GLI2: variants seen among roughly 807,000 people sequenced by gnomAD.
The protein encoded by GLI2 is GLI family zinc finger 2.
In GLI2, 22 loss-of-function variants were observed where a neutral mutation model predicts 78.9. The ratio of observed to expected loss-of-function variants is 0.28; its 90% confidence interval spans 0.20 to 0.40. GLI2 has a LOEUF of 0.40. GLI2 is among the 10% of genes least tolerant of loss of function. The pLI, the probability that GLI2 is intolerant of heterozygous loss-of-function variation, is 1.00. For synonymous variants in GLI2, 974 were observed against 963.7 expected, an observed-to-expected ratio of 1.01 and a Z score of -0.20; for missense variants, 2,097 against 2,213.2, an observed-to-expected ratio of 0.95 and a Z score of 1.05.
At chr2:120,854,428 G>T (rs1228186651) in intron 2 of GLI2, among the ~76,000 whole-genome samples, 1 of 152,156 alleles carries the variant, frequency 6.6e-6, no homozygotes, top group Non-Finnish European at 1.5e-5. Flanking sequence ...CATATCACCT[G>T]CCCAGTGCTG....
rs545942564 is a variant in GLI2 at position 120,781,999 on chromosome 2, G to A, written c.-30-15292G>A. On this transcript the variant is annotated intron_variant, in intron 1 of 13. Coordinates refer to ENST00000361492, the MANE Select transcript of GLI2 (RefSeq NM_001374353.1). ...GTACAGATAGTTCATTTTCCTAGTT[G>A]CAGTTATAGTGTGTATGCAATTTTG... 3.3e-5 allele frequency among the ~76,000 whole-genome samples: 5 copies of A among 151,976 alleles called. No individual in the cohort carries two copies. The South Asian group carries it at 1.0e-3, about 32-fold the overall frequency.
chr2:120,927,262 C>G (rs1239395332), intron 2 of GLI2, 99 bp from the exon 3 acceptor site: 2 of 886,472 alleles, frequency 2.3e-6, no homozygotes, highest in East Asian at 2.4e-5. Flanking sequence ...CCTGGCTGCT[C>G]TTGCTATGAA....
At chr2:120,866,246 G>A (rs1548071) in intron 2 of GLI2, 91,081 of 152,452 alleles carry the variant, frequency 0.6, 28,244 homozygotes, top group East Asian at 0.75. Flanking sequence ...GGGTAGGGAC[G>A]TGGAGTCTGA....
intron 2 of GLI2, among the ~76,000 whole-genome samples, chr2:120,908,928 G>A (rs1387131346): frequency 2.6e-5 from 4 of 152,136 alleles, no homozygotes; most frequent in South Asian, 2.1e-4. Flanking sequence ...AAGGCTTCAC[G>A]TTAGTGCCTA....
At chr2:120,951,556 T>G in intron 4 of GLI2, 111 bp downstream of exon 4, 1 of 687,800 alleles carries the variant, frequency 1.5e-6, no homozygotes, top group Non-Finnish European at 2.5e-6. Context: ...CCTTGAATGG[T>G]GACCAGGCTG....
intron 2 of GLI2, among the ~76,000 whole-genome samples, chr2:120,877,835 T>C (rs1184919525): frequency 6.6e-6 from 1 of 152,180 alleles, no homozygotes; most frequent in Non-Finnish European, 1.5e-5. Context: ...TGAACATCCT[T>C]GTACGGTCTC....
At chr2:120,798,416 C>T (rs1031772773) in intron 2 of GLI2, among the ~76,000 whole-genome samples, 1 of 152,196 alleles carries the variant, frequency 6.6e-6, no homozygotes, top group Non-Finnish European at 1.5e-5. Context: ...TCACAGGCCA[C>T]GCTGGGGCCG....
intron 2 of GLI2, among the ~76,000 whole-genome samples, chr2:120,906,746 C>A (rs189665637): frequency 2.6e-5 from 4 of 152,168 alleles, no homozygotes; most frequent in Non-Finnish European, 4.4e-5. Flanking sequence ...CCCCTGTGTC[C>A]CCTCTCATAG....
intron 2 of GLI2, among the ~76,000 whole-genome samples, chr2:120,845,430 G>A (rs1687070456): frequency 6.6e-6 from 1 of 152,232 alleles, no homozygotes. Context: ...AACTAGATCA[G>A]TCCTGGTTCA....
At position 120,986,645 on chromosome 2, in the gene GLI2, G is replaced by A. The variant is rs745711714; in HGVS notation, c.2242+31G>A. Reference sequence around the variant, plus strand: ...TAAAGGCCTGGGGTTTGCAGATGGGGCAGAAGAGAGTCTGGGGCAGCACCA... The same window carrying A: ...TAAAGGCCTGGGGTTTGCAGATGGGACAGAAGAGAGTCTGGGGCAGCACCA... On this transcript the variant is annotated intron_variant, in intron 13 of 13. Transcript: ENST00000361492. 1.1e-5 allele frequency: 18 copies of A among 1,583,494 alleles called. No individual in the cohort carries two copies. The South Asian group carries it at 1.7e-4, about 15-fold the overall frequency.
In GLI2 at chr2:120,989,720, C is replaced by T. The variant is rs771577944; in HGVS notation, c.3755C>T (p.Ser1252Phe). 1.2e-6 allele frequency: 2 copies of T among 1,613,176 alleles called. No homozygotes were observed. The highest frequency in any genetic ancestry group is 1.7e-5 in the Admixed American group (1 of 60,028). The change falls in exon 14 of 14, where the codon TCC becomes TTC. Residue 1252 changes from serine (S) to phenylalanine (F), a missense_variant. By Grantham distance (155) the Ser-to-Phe change is radical. This residue lies in a region of GLI2 where 1,290 missense variants were observed against 1,261.7 expected (regional missense o/e 1.02). Transcript: ENST00000361492. ...ISGALNQFPQSCSNMPAKPGH... is the reference protein window; with the variant it reads ...ISGALNQFPQFCSNMPAKPGH... ...GGGGCCCTCAACCAGTTCCCCCAAT[C>T]CTGCAGCAACATGCCAGCCAAGCCA...
At chr2:120,896,661 ATACACC>A (rs1280286550) in intron 2 of GLI2, among the ~76,000 whole-genome samples, 2 of 21,296 alleles carry the variant, frequency 9.4e-5, no homozygotes, top group African/African-American at 4.5e-4. Flanking sequence ...ACACACACAC[ATACACC>A]CACCCCCCCA....
intron 2 of GLI2, among the ~76,000 whole-genome samples, chr2:120,855,716 C>T (rs1687613886): frequency 6.6e-6 from 1 of 152,164 alleles, no homozygotes; most frequent in African/African-American, 2.4e-5. Context: ...CTCCAACAGC[C>T]CTGGTAACAG....
At chr2:120,951,204 G>A (rs766342321) in intron 3 of GLI2, 39 bp from the exon 4 acceptor site, 1 of 1,223,750 alleles carries the variant, frequency 8.2e-7, no homozygotes, top group South Asian at 1.2e-5. Context: ...GGTTCCCTCT[G>A]TGTCCTCCTT....
At chr2:120,818,470 A>G (rs966075521) in intron 2 of GLI2, among the ~76,000 whole-genome samples, 6 of 152,256 alleles carry the variant, frequency 3.9e-5, no homozygotes, top group Admixed American at 2.0e-4. Flanking sequence ...AGAGCCAGGA[A>G]GGACTGAACC....
At chr2:120,943,585 C>T (rs1400451829) in intron 3 of GLI2, among the ~76,000 whole-genome samples, 4 of 152,240 alleles carry the variant, frequency 2.6e-5, no homozygotes, top group African/African-American at 4.8e-5. Context: ...GTGTTCCCAC[C>T]CGCTGCTGCC....
chr2:120,944,617 G>A (rs933059118), intron 3 of GLI2, among the ~76,000 whole-genome samples: 4 of 152,216 alleles, frequency 2.6e-5, no homozygotes, highest in Non-Finnish European at 5.9e-5. Flanking sequence ...GACAGCGAGG[G>A]TGGAGCCAGC....
At chr2:120,738,563 G>C (rs79936341) in intron 1 of GLI2, among the ~76,000 whole-genome samples, 9 of 152,230 alleles carry the variant, frequency 5.9e-5, no homozygotes, top group Non-Finnish European at 8.8e-5. Flanking sequence ...AAAGAGCCCA[G>C]CTGCCCAGGA....
chr2:120,979,935 G>A (rs990813428), intron 10 of GLI2, among the ~76,000 whole-genome samples: 7 of 152,152 alleles, frequency 4.6e-5, no homozygotes, highest in South Asian at 2.1e-4. Flanking sequence ...CAGTTAACAC[G>A]TTTGCAAGGT....
Sources: gnomAD v4.1 joint callset for allele counts (sites outside exome capture counted in the v4.1 genomes callset) on GRCh38, gnomAD v4.1.1 for gene constraint, gnomAD v4.1.1 regional missense constraint, MANE v1.5 for transcripts, NCBI Gene and HGNC (gene_info 2026-07-23, HGNC 2026-07-21) for gene names.